NDST4: variants seen among roughly 807,000 people sequenced by gnomAD.
NDST4 encodes N-deacetylase and N-sulfotransferase 4.
Under a neutral mutation model 100.8 loss-of-function variants are expected in NDST4, and 63 were observed. The observed-to-expected ratio is 0.62, with a 90% confidence interval of 0.51 to 0.77. The LOEUF (loss-of-function observed/expected upper bound fraction) is 0.77. NDST4 is among the 30% of genes least tolerant of loss of function. The pLI is 0.00. For missense variants in NDST4, 943 were observed against 1,018.4 expected, an observed-to-expected ratio of 0.93 and a Z score of 1.01; for synonymous variants, 377 against 361.8, an observed-to-expected ratio of 1.04 and a Z score of -0.48.
At chr4:115,086,001 C>A (rs1036470432) in intron 1 of NDST4, among the ~76,000 whole-genome samples, 2 of 152,108 alleles carry the variant, frequency 1.3e-5, no homozygotes, top group Non-Finnish European at 2.9e-5. Flanking sequence ...AAGATTATTG[C>A]TTATTCTGGG....
chr4:114,987,224 G>A (rs959955499), intron 2 of NDST4, among the ~76,000 whole-genome samples: 3 of 151,766 alleles, frequency 2.0e-5, no homozygotes, highest in African/African-American at 4.8e-5. Context: ...ATCTTTTTTG[G>A]GTCAGAGTGG....
intron 3 of NDST4, among the ~76,000 whole-genome samples, chr4:114,976,848 A>G (rs1018763310): frequency 1.3e-5 from 2 of 151,932 alleles, no homozygotes; most frequent in Non-Finnish European, 2.9e-5. Context: ...AAATTCTGTC[A>G]GTTATTATTA....
At chr4:115,002,805 A>G (rs1727323900) in intron 2 of NDST4, among the ~76,000 whole-genome samples, 1 of 152,162 alleles carries the variant, frequency 6.6e-6, no homozygotes, top group Non-Finnish European at 1.5e-5. Context: ...ACTATTTACA[A>G]TAGCGAAGAC....
rs1220968062 is a variant in NDST4 at position 115,055,901 on chromosome 4, C to A, written c.978+20158G>T. On this transcript the variant is annotated intron_variant, in intron 2 of 13. Transcript: ENST00000264363. ...TTCATGTTACTCACAGTGTGGGCAA[C>A]ATTTAATTTAAGCAGCAATATCGTT... 3.3e-5 allele frequency among the ~76,000 whole-genome samples: 5 copies of A among 152,038 alleles called. No individual in the cohort carries two copies. In the East Asian group the frequency reaches 9.6e-4, roughly 29 times the overall value.
chr4:114,954,186 A>T (rs1327480492), intron 4 of NDST4, among the ~76,000 whole-genome samples: 1 of 151,944 alleles, frequency 6.6e-6, no homozygotes, highest in Non-Finnish European at 1.5e-5. Flanking sequence ...GGTTTTTTTA[A>T]ACTTAATTTT....
chr4:115,012,717 A>G (rs1164185257), intron 2 of NDST4, among the ~76,000 whole-genome samples: 1 of 144,600 alleles, frequency 6.9e-6, no homozygotes, highest in Non-Finnish European at 1.5e-5. Flanking sequence ...GGAAATCAGT[A>G]CATCAAAGAA....
chr4:115,010,992 G>T (rs943301703), intron 2 of NDST4, among the ~76,000 whole-genome samples: 1 of 151,962 alleles, frequency 6.6e-6, no homozygotes, highest in Non-Finnish European at 1.5e-5. Flanking sequence ...AGTTAATAAA[G>T]CCTATGTTGA....
chr4:114,964,072 C>T (rs1042755541), intron 4 of NDST4, among the ~76,000 whole-genome samples: 11 of 152,210 alleles, frequency 7.2e-5, no homozygotes, highest in African/African-American at 2.6e-4. Context: ...GACTCTGAAT[C>T]AATCTGTCTC....
At chr4:114,827,973 T>C in intron 13 of NDST4, 38 bp from the exon 14 acceptor site, 1 of 1,568,570 alleles carries the variant, frequency 6.4e-7, no homozygotes, top group East Asian at 2.3e-5. Context: ...AGAAGCTCTT[T>C]GTTTCATCAA....
intron 6 of NDST4, among the ~76,000 whole-genome samples, chr4:114,932,241 C>T (rs1725530657): frequency 6.6e-6 from 1 of 151,712 alleles, no homozygotes; most frequent in Admixed American, 6.6e-5. Context: ...GAATAAATGA[C>T]AAAAATCATA....
intron 6 of NDST4, among the ~76,000 whole-genome samples, chr4:114,925,823 G>A (rs1725375511): frequency 6.6e-6 from 1 of 152,066 alleles, no homozygotes. Context: ...TATTTGTCAA[G>A]AAAACAGAAA....
In NDST4 at chr4:115,009,447, T is replaced by G. The variant is rs1401167717; in HGVS notation, c.979-32173A>C. Among the ~76,000 whole-genome samples the G allele has an allele frequency of 2.4e-5, 3 of 127,396 alleles. 1 individual carries two copies. The highest frequency in any genetic ancestry group is 5.0e-5 in the Non-Finnish European group (3 of 60,120). 83.6% of individuals were successfully genotyped at this position (127,396 alleles called of 152,430 possible). On this transcript the variant is annotated intron_variant, in intron 2 of 13. Coordinates refer to ENST00000264363, the MANE Select transcript of NDST4 (RefSeq NM_022569.3). ...CAAGCAATGGGGAAAGGATTCCCTA[T>G]TTAACAAATGGTGCTAGGAAAACTG...
At chr4:114,961,882 A>G (rs115033058) in intron 4 of NDST4, among the ~76,000 whole-genome samples, 3,942 of 152,186 alleles carry the variant, frequency 0.026, 175 homozygotes, top group African/African-American at 0.089. Context: ...AATGATGTCT[A>G]AAGAAAAAGA....
chr4:114,974,298 A>G (rs13144414), intron 3 of NDST4, among the ~76,000 whole-genome samples: 64,872 of 151,806 alleles, frequency 0.43, 15,918 homozygotes, highest in Non-Finnish European at 0.58. Flanking sequence ...ACAAAAAATC[A>G]CAGAAGGGGT....
chr4:114,878,620 T>G (rs1454014542), intron 6 of NDST4, among the ~76,000 whole-genome samples: 1 of 152,180 alleles, frequency 6.6e-6, no homozygotes, highest in Non-Finnish European at 1.5e-5. Context: ...TCTTCATTAG[T>G]GTATCAATTA....
chr4:115,048,891 G>A (rs1423986922), intron 2 of NDST4, among the ~76,000 whole-genome samples: 1 of 149,524 alleles, frequency 6.7e-6, no homozygotes, highest in Non-Finnish European at 1.5e-5. Flanking sequence ...TGCCCTCCTC[G>A]GCCTCCCAAA....
chr4:114,939,798 A>G (rs1725709627), intron 4 of NDST4, among the ~76,000 whole-genome samples: 1 of 152,182 alleles, frequency 6.6e-6, no homozygotes, highest in Non-Finnish European at 1.5e-5. Flanking sequence ...TCATAAGGTC[A>G]TCTTATCACA....
chr4:114,992,563 T>A (rs1727065040), intron 2 of NDST4, among the ~76,000 whole-genome samples: 1 of 150,668 alleles, frequency 6.6e-6, no homozygotes, highest in African/African-American at 2.4e-5. Flanking sequence ...TTTTTTTCAA[T>A]AAATAAAGTT....
intron 1 of NDST4, among the ~76,000 whole-genome samples, chr4:115,093,212 A>G (rs572121097): frequency 5.9e-5 from 9 of 152,222 alleles, no homozygotes; most frequent in Non-Finnish European, 1.0e-4. Context: ...GCGGTGGCTC[A>G]TGCCTGTAAT....
Sources: allele counts gnomAD v4.1 joint callset (sites outside exome capture counted in the v4.1 genomes callset), GRCh38; gene constraint gnomAD v4.1.1; transcripts MANE v1.5; gene names NCBI Gene and HGNC (gene_info 2026-07-23, HGNC 2026-07-21).